The following DMPK variants were observed in gnomAD, a reference collection of about 807,000 sequenced individuals.
The protein encoded by DMPK is myotonin-protein kinase.
A neutral mutation model predicts 70.3 loss-of-function variants in DMPK; 32 were observed. That is an observed-to-expected ratio of 0.46 (90% CI 0.34 to 0.61). DMPK has a LOEUF of 0.61. Ranked by LOEUF, DMPK falls within the 20% of genes least tolerant of loss-of-function variation. The probability of loss-of-function intolerance (pLI) is 0.01; values close to 1 mark genes in which losing one functional copy is unlikely to be tolerated. For missense variants in DMPK, 899 were observed against 886.0 expected (o/e 1.01, Z -0.19); for synonymous variants, 469 against 390.9 (o/e 1.20, Z -2.36).
intron 1 of DMPK, chr19:45,780,139 G>A: frequency 1.4e-6 from 2 of 1,439,092 alleles, no homozygotes. Flanking sequence ...GATGGTTAGG[G>A]TGGGGTAACG....
At position 45,770,527 on chromosome 19, in the gene DMPK, G is replaced by T. The variant is rs767105379; in HGVS notation, c.1851C>A (p.Thr617=). The change falls in exon 15 of 15, where the codon ACC becomes ACA. Residue 617 remains threonine (T), a synonymous_variant. Coordinates refer to ENST00000291270, the MANE Select transcript of DMPK (RefSeq NM_004409.5). ...IGLVAHAGQL[T]AVWRRPGAAR... is the part of the protein sequence containing the mutation. ...CGGCTCCTGGGCGGCGCCAGACTGC[G>T]GTGAGTTGGCCGGCGTGGGCCACCA... 1.3e-6 allele frequency: 2 copies of T among 1,550,506 alleles called. No individual in the cohort carries two copies. Among genetic ancestry groups the T allele is most frequent in the African/African-American group, 1.4e-5 (1 of 73,050 alleles).
At chr19:45,780,479 A>G in intron 1 of DMPK, 6 of 1,209,244 alleles carry the variant, frequency 5.0e-6, no homozygotes, top group Non-Finnish European at 6.3e-6. Flanking sequence ...CTCCAGGAGG[A>G]GTGCTTTAGT....
At chr19:45,770,769 CTGT>C (rs1387521442) in intron 14 of DMPK, 129 bp from the exon 15 acceptor site, 52 of 1,167,466 alleles carry the variant, frequency 4.5e-5, no homozygotes, top group Admixed American at 2.7e-5. Flanking sequence ...CAGCCTACAG[CTGT>C]TGTTAGTCCA....
At chr19:45,775,653 C>G (rs1287973995) in intron 8 of DMPK, among the ~76,000 whole-genome samples, 1 of 107,192 alleles carries the variant, frequency 9.3e-6, no homozygotes, top group Non-Finnish European at 2.0e-5. Context: ...GAGTAGCTGG[C>G]ATTACAGGCA....
At chr19:45,772,223 C>G (rs1296576914) in intron 10 of DMPK, 5 of 440,256 alleles carry the variant, frequency 1.1e-5, no homozygotes, top group African/African-American at 1.0e-4. Context: ...CTAATGCCCT[C>G]ACGACAAAAG....
chr19:45,771,457 C>T (rs1969437690), intron 12 of DMPK, 61 bp from the exon 13 acceptor site: 3 of 1,609,028 alleles, frequency 1.9e-6, no homozygotes, highest in South Asian at 1.1e-5. Flanking sequence ...GGTGGCGCGG[C>T]GTGCCCCAGC....
intron 6 of DMPK, 33 bp downstream of exon 6, chr19:45,778,094 C>T (rs775395773): frequency 1.3e-6 from 2 of 1,552,764 alleles, no homozygotes; most frequent in Non-Finnish European, 1.8e-6. Flanking sequence ...CATCAGCAGC[C>T]CCAGTTGCTC....
At position 45,770,602 on chromosome 19, in the gene DMPK, G is replaced by T. The variant is rs867485313; in HGVS notation, c.1776C>A (p.Leu592=). The T allele has an allele frequency of 2.6e-6, 4 of 1,553,080 alleles. No homozygotes were observed. The East Asian group carries it at 7.3e-5, about 28-fold the overall frequency. ...RPGLSEALSL[L]LFAVVLSRAA... is the part of the protein sequence containing the mutation. The stretch of plus-strand genomic sequence containing the variant: ...CACGAGACAGAACAACGGCGAACAG[G>T]AGCAGGGAAAGCGCCTCCGATAGGC... Residue 592 remains leucine (L), a synonymous_variant, in exon 15 of 15, where the codon CTC becomes CTA. Transcript: ENST00000291270.
At chr19:45,781,810 G>A (rs1025149772) in intron 1 of DMPK, among the ~76,000 whole-genome samples, 2 of 152,198 alleles carry the variant, frequency 1.3e-5, no homozygotes, top group Admixed American at 6.5e-5. Context: ...GGAAACCAGG[G>A]GAGAGGGCCA....
At chr19:45,779,396 G>C (rs761707572) in intron 3 of DMPK, 37 bp from the exon 4 acceptor site, 2 of 1,613,954 alleles carry the variant, frequency 1.2e-6, no homozygotes, top group Non-Finnish European at 1.7e-6. Flanking sequence ...CCGGAGACGG[G>C]GCGCGGATCC....
Position 45,775,221 on chromosome 19 carries a change from G to A in DMPK, c.1147-187C>T, listed in dbSNP as rs577138224. The A allele has an allele frequency of 1.2e-3, 677 of 550,172 alleles. 1 individual carries two copies. Among genetic ancestry groups the A allele is most frequent in the Admixed American group, 2.3e-3 (75 of 32,874 alleles). 34.1% of individuals were successfully genotyped at this position (550,172 alleles called of 1,614,324 possible). A position where few individuals can be genotyped will look rare whatever the true frequency, so the allele number is the denominator to read the frequency against. The stretch of plus-strand genomic sequence containing the variant: ...CTCGCTCTGTTACCCAGGCTGGAGT[G>A]CAGTGGTGCAATCTCAGCTCACTGC... On this transcript the variant is annotated intron_variant, in intron 8 of 14. Coordinates refer to ENST00000291270, the MANE Select transcript of DMPK (RefSeq NM_004409.5).
Position 45,770,187 on chromosome 19 carries a change from A to C in DMPK, c.*301T>G. 2 of 786,688 alleles carry C rather than the reference A, an allele frequency of 2.5e-6. No homozygotes were observed. The highest frequency in any genetic ancestry group is 4.1e-6 in the Non-Finnish European group (2 of 485,146). The allele number at this position is 786,688 out of a possible 1,614,324, so 48.7% of individuals were successfully genotyped here. ...GGCCTCAGCCTGGCCGAAAGAAAGAAATGGTCTGTGATCCCCCCAGCAGCA... is the reference window on the plus strand; with the variant it reads ...GGCCTCAGCCTGGCCGAAAGAAAGACATGGTCTGTGATCCCCCCAGCAGCA... On this transcript the variant is annotated 3_prime_UTR_variant, in exon 15 of 15. Transcript: ENST00000291270.
At chr19:45,778,450 C>A in intron 5 of DMPK, 43 bp downstream of exon 5, 1 of 1,600,320 alleles carries the variant, frequency 6.2e-7, no homozygotes, top group Non-Finnish European at 8.5e-7. Flanking sequence ...AAGAACCCGG[C>A]CAGGGAACAA....
intron 10 of DMPK, 42 bp downstream of exon 10, chr19:45,772,599 C>G (rs1351557987): frequency 7.3e-7 from 1 of 1,375,316 alleles, no homozygotes. Context: ...CCTTTTCTCT[C>G]CCAATTGTCC....
chr19:45,770,962 C>A lies in DMPK; in HGVS notation c.1737+9G>T, dbSNP rs939299046. On this transcript the variant is annotated intron_variant, in intron 14 of 14. Transcript: ENST00000291270. ...GACGGCGGAGGGGGGCGTGGGCAGC[C>A]GGACGTACCCTGGCAGGGAGCAGCA... 8 of 1,418,810 alleles carry A rather than the reference C, an allele frequency of 5.6e-6. No individual in the cohort carries two copies. In the Admixed American group the frequency reaches 9.5e-5, roughly 17 times the overall value. 87.9% of individuals were successfully genotyped at this position (1,418,810 alleles called of 1,614,324 possible).
Position 45,770,378 on chromosome 19 carries a change from C to T in DMPK, c.*110G>A, listed in dbSNP as rs1969307126. 1 of 1,379,592 alleles carries T rather than the reference C, an allele frequency of 7.2e-7. No homozygotes were observed. Among genetic ancestry groups the T allele is most frequent in the South Asian group, 1.3e-5 (1 of 79,932 alleles). 85.5% of individuals were successfully genotyped at this position (1,379,592 alleles called of 1,614,324 possible). On this transcript the variant is annotated 3_prime_UTR_variant, in exon 15 of 15. Transcript: ENST00000291270. The stretch of plus-strand genomic sequence containing the variant: ...TCACAGGACTGGAGCTGGGCGGAGA[C>T]CCACGCTCGGAGCGGTTGTGAACTG...
chr19:45,774,351 C>G (rs577297413), intron 9 of DMPK, among the ~76,000 whole-genome samples: 102 of 151,582 alleles, frequency 6.7e-4, no homozygotes, highest in Non-Finnish European at 7.7e-4. Context: ...CAAGCTCCGC[C>G]TCCCGGGTTC....
At chr19:45,770,731 T>G (rs933910665) in intron 14 of DMPK, 91 bp from the exon 15 acceptor site, 5 of 1,400,900 alleles carry the variant, frequency 3.6e-6, no homozygotes, top group East Asian at 2.5e-5. Flanking sequence ...GGGCCCGCAC[T>G]CTTCCCTGCG....
chr19:45,776,117 C>T lies in DMPK; in HGVS notation c.1147-1083G>A, dbSNP rs1969757551. 3.9e-5 allele frequency among the ~76,000 whole-genome samples: 4 copies of T among 103,760 alleles called. 2 individuals carry two copies. The highest frequency in any genetic ancestry group is 8.4e-4 in the South Asian group (2 of 2,382). 68.1% of individuals were successfully genotyped at this position (103,760 alleles called of 152,430 possible). On this transcript the variant is annotated intron_variant, in intron 8 of 14. Coordinates refer to ENST00000291270, the MANE Select transcript of DMPK (RefSeq NM_004409.5). The stretch of plus-strand genomic sequence containing the variant: ...GATTACAGGCATGAGCCACAGCGCC[C>T]GGCCGCGGTCCAGCCTATTTTTTTT...
Sources: allele counts gnomAD v4.1 joint callset (sites outside exome capture counted in the v4.1 genomes callset), GRCh38; gene constraint gnomAD v4.1.1; transcripts MANE v1.5; gene names NCBI Gene and HGNC (gene_info 2026-07-23, HGNC 2026-07-21).